TMEM74: variants seen among roughly 807,000 people sequenced by gnomAD.
TMEM74 encodes transmembrane protein 74.
In TMEM74, 13 loss-of-function variants were observed where a neutral mutation model predicts 18.1. That is an observed-to-expected ratio of 0.72 (90% CI 0.47 to 1.14). The LOEUF is 1.14. Among genes scored for constraint, TMEM74 ranks in the 50% most tolerant of loss-of-function variants. The pLI, the probability that TMEM74 is intolerant of heterozygous loss-of-function variation, is 0.00. For missense variants in TMEM74, 372 were observed against 375.9 expected (o/e 0.99, Z 0.09); for synonymous variants, 159 against 146.6 (o/e 1.08, Z -0.61).
intron 1 of TMEM74, among the ~76,000 whole-genome samples, chr8:108,704,314 C>G (rs1474496728): frequency 6.6e-6 from 1 of 152,156 alleles, no homozygotes; most frequent in Non-Finnish European, 1.5e-5. Context: ...ATTTTTCATC[C>G]TATTCATCCC....
intron 1 of TMEM74, among the ~76,000 whole-genome samples, chr8:108,685,897 C>A (rs1382705428): frequency 2.6e-5 from 4 of 151,714 alleles, no homozygotes; most frequent in African/African-American, 9.7e-5. Flanking sequence ...TTAAATATAT[C>A]CACGAATAAG....
intron 1 of TMEM74, among the ~76,000 whole-genome samples, chr8:108,733,149 G>C (rs1230448977): frequency 6.6e-6 from 1 of 152,100 alleles, no homozygotes; most frequent in Non-Finnish European, 1.5e-5. Context: ...ATTATACTCT[G>C]AAGTATTTAC....
Position 108,678,664 on chromosome 8 carries a change from A to T in TMEM74, n.120-23227T>A, listed in dbSNP as rs867168501. On this transcript the variant is annotated intron_variant and non_coding_transcript_variant, in intron 1 of 3. Coordinates refer to the TMEM74 transcript ENST00000518838. ...TATTATTGTCATGCCCAATTTGCTT[A>T]GGTTCTCTTTTTTTTTTCTTATAAA... is the stretch of plus-strand genomic sequence containing the variant. Among the ~76,000 whole-genome samples, 91 of 150,584 alleles carry T rather than the reference A, an allele frequency of 6.0e-4. 1 individual carries two copies. Among genetic ancestry groups the T allele is most frequent in the African/African-American group, 2.2e-3 (90 of 41,112 alleles).
Position 108,781,776 on chromosome 8 carries a change from C to T in TMEM74, c.*2405G>A, listed in dbSNP as rs184148430. On this transcript the variant is annotated 3_prime_UTR_variant, in exon 2 of 2. Coordinates refer to ENST00000297459, the MANE Select transcript of TMEM74 (RefSeq NM_153015.3). ...TGATGTGTTAGGTCTTTTTCTCCCC[C>T]GTTGAATATTTTTTTTCCAAAATGG... 2.0e-5 allele frequency among the ~76,000 whole-genome samples: 3 copies of T among 152,152 alleles called. No individual in the cohort carries two copies. The highest frequency in any genetic ancestry group is 1.9e-4 in the East Asian group (1 of 5,176).
chr8:108,705,686 T>C (rs559000802), intron 1 of TMEM74, among the ~76,000 whole-genome samples: 2 of 152,234 alleles, frequency 1.3e-5, no homozygotes, highest in South Asian at 4.1e-4. Flanking sequence ...ACATCTTTTA[T>C]GTACCTTACA....
intron 1 of TMEM74, among the ~76,000 whole-genome samples, chr8:108,761,825 A>C (rs528658970): frequency 6.6e-6 from 1 of 152,260 alleles, no homozygotes; most frequent in South Asian, 2.1e-4. Context: ...GGTTTATTAC[A>C]AAAAATATAC....
chr8:108,619,768 T>C (rs1812421097), intron 2 of TMEM74, among the ~76,000 whole-genome samples: 1 of 152,196 alleles, frequency 6.6e-6, no homozygotes, highest in African/African-American at 2.4e-5. Flanking sequence ...CATTTTGCTG[T>C]TGTTCAAAAC....
At chr8:108,669,897 G>A (rs181844271) in intron 1 of TMEM74, among the ~76,000 whole-genome samples, 39 of 152,196 alleles carry the variant, frequency 2.6e-4, no homozygotes, top group Non-Finnish European at 4.7e-4. Context: ...ACTTAGCCAG[G>A]CATGGTGATG....
At chr8:108,622,238 G>A (rs906357270) in intron 2 of TMEM74, among the ~76,000 whole-genome samples, 2 of 152,064 alleles carry the variant, frequency 1.3e-5, no homozygotes, top group African/African-American at 4.8e-5. Flanking sequence ...CATTGACAAT[G>A]ATGCATGACA....
At position 108,631,162 on chromosome 8, in the gene TMEM74, G is replaced by T. The variant is rs186701242; in HGVS notation, n.265-22336C>A. 8.5e-5 allele frequency among the ~76,000 whole-genome samples: 13 copies of T among 152,090 alleles called. No homozygotes were observed. In the East Asian group the frequency reaches 2.1e-3, roughly 25 times the overall value. ...TTTTCCATTGTTGTTATCATGAATAGTATTGAACAAGACTACCAGGTTATT... is the reference window on the plus strand; with the variant it reads ...TTTTCCATTGTTGTTATCATGAATATTATTGAACAAGACTACCAGGTTATT... On this transcript the variant is annotated intron_variant and non_coding_transcript_variant, in intron 2 of 3. Coordinates refer to the TMEM74 transcript ENST00000518838.
At chr8:108,622,004 GC>G (rs1302984853) in intron 2 of TMEM74, among the ~76,000 whole-genome samples, 1 of 152,060 alleles carries the variant, frequency 6.6e-6, no homozygotes, top group Non-Finnish European at 1.5e-5. Flanking sequence ...TCACTAGAAT[GC>G]TTTCTCTTAC....
In TMEM74 at chr8:108,783,432, CT is replaced by C. The variant is rs1814332949; in HGVS notation, c.*748del. On this transcript the variant is annotated 3_prime_UTR_variant, in exon 2 of 2. Coordinates refer to ENST00000297459, the MANE Select transcript of TMEM74 (RefSeq NM_153015.3). ...GATGGCAAAATCACAAAATATAAAA[CT>C]TATATCAGTAACTAATTTGACTTCA... 1.3e-5 allele frequency: 2 copies of C among 152,178 alleles called. No individual in the cohort carries two copies. The highest frequency in any genetic ancestry group is 2.9e-5 in the Non-Finnish European group (2 of 68,038). The allele number at this position is 152,178 out of a possible 1,614,324, so 9.4% of individuals were successfully genotyped here. A position where few individuals can be genotyped will look rare whatever the true frequency, so the allele number is the denominator to read the frequency against.
At chr8:108,672,983 A>G (rs1442882894) in intron 1 of TMEM74, among the ~76,000 whole-genome samples, 2 of 152,210 alleles carry the variant, frequency 1.3e-5, no homozygotes, top group African/African-American at 4.8e-5. Context: ...GATAGTTTTG[A>G]CATGAAGATC....
At chr8:108,723,051 A>C (rs1307548223) in intron 1 of TMEM74, among the ~76,000 whole-genome samples, 1 of 152,184 alleles carries the variant, frequency 6.6e-6, no homozygotes, top group East Asian at 1.9e-4. Context: ...CTGAGCACAC[A>C]CGCATCTCTT....
chr8:108,662,817 G>A (rs573766902), intron 1 of TMEM74, among the ~76,000 whole-genome samples: 1 of 152,226 alleles, frequency 6.6e-6, no homozygotes, highest in Admixed American at 6.6e-5. Context: ...GGCCTGGGAA[G>A]TCTTTCCAAT....
At chr8:108,665,219 G>T (rs1002818451) in intron 1 of TMEM74, among the ~76,000 whole-genome samples, 28 of 152,270 alleles carry the variant, frequency 1.8e-4, no homozygotes, top group African/African-American at 6.0e-4. Flanking sequence ...CTCATTTACA[G>T]GAGAGAGGAA....
At chr8:108,620,536 T>C (rs1212461529) in intron 2 of TMEM74, among the ~76,000 whole-genome samples, 3 of 152,182 alleles carry the variant, frequency 2.0e-5, no homozygotes, top group East Asian at 3.8e-4. Context: ...ATTATACATG[T>C]ATGAAAAATC....
chr8:108,777,816 A>C (rs1219669105), downstream of TMEM74, among the ~76,000 whole-genome samples: 1 of 152,214 alleles, frequency 6.6e-6, no homozygotes, highest in African/African-American at 2.4e-5. Flanking sequence ...TGCTGTGAGA[A>C]TTAAATGAGG....
At chr8:108,735,474 T>A (rs1234138024) in intron 1 of TMEM74, among the ~76,000 whole-genome samples, 1 of 152,246 alleles carries the variant, frequency 6.6e-6, no homozygotes, top group African/African-American at 2.4e-5. Context: ...ACAGTTTTTG[T>A]GACTTGCTTC....
Sources: gnomAD v4.1 joint callset for allele counts (sites outside exome capture counted in the v4.1 genomes callset) on GRCh38, gnomAD v4.1.1 for gene constraint, MANE v1.5 for transcripts, NCBI Gene and HGNC (gene_info 2026-07-23, HGNC 2026-07-21) for gene names.